The following ZNRF2 variants were observed in gnomAD, a reference collection of about 807,000 sequenced individuals.
ZNRF2 encodes the protein zinc and ring finger 2, also known as E3 ubiquitin-protein ligase ZNRF2.
In ZNRF2, 16 loss-of-function variants were observed where a neutral mutation model predicts 20.4. The observed-to-expected ratio is 0.79, with a 90% CI of 0.53 to 1.19. The LOEUF (loss-of-function observed/expected upper bound fraction) is 1.19, where lower values mean the gene tolerates loss of function less well. Among genes scored for constraint, ZNRF2 ranks in the 50% most tolerant of loss-of-function variants. ZNRF2 has a pLI of 0.00. For missense variants in ZNRF2, 363 were observed against 332.4 expected (o/e 1.09, Z -0.72); for synonymous variants, 178 against 144.9 (o/e 1.23, Z -1.64).
At chr7:30,310,359 T>C (rs1266117384) in intron 1 of ZNRF2, among the ~76,000 whole-genome samples, 2 of 152,212 alleles carry the variant, frequency 1.3e-5, no homozygotes, top group Admixed American at 1.3e-4. Context: ...AAACAAATAT[T>C]TGGATATTTT....
intron 2 of ZNRF2, among the ~76,000 whole-genome samples, chr7:30,336,904 A>T (rs1470744078): frequency 6.6e-6 from 1 of 152,080 alleles, no homozygotes; most frequent in Non-Finnish European, 1.5e-5. Flanking sequence ...GTGTGTATAT[A>T]TGTATGTATT....
At chr7:30,327,906 G>A (rs913738068) in intron 2 of ZNRF2, among the ~76,000 whole-genome samples, 4 of 152,038 alleles carry the variant, frequency 2.6e-5, no homozygotes, top group African/African-American at 9.7e-5. Context: ...TTCAAAGTAT[G>A]TATTAATTGT....
rs189839018 is a variant in ZNRF2 at position 30,314,705 on chromosome 7, A to G, written c.470-8937A>G. Among the ~76,000 whole-genome samples, 121 of 151,896 alleles carry G rather than the reference A, an allele frequency of 8.0e-4. 2 individuals are homozygous for G. Among genetic ancestry groups the G allele is most frequent in the Admixed American group, 5.2e-3 (79 of 15,248 alleles). On this transcript the variant is annotated intron_variant, in intron 1 of 4. Coordinates refer to ENST00000323037, the MANE Select transcript of ZNRF2 (RefSeq NM_147128.4). Reference sequence around the variant, plus strand: ...TTATGACTTCAACAATAGCTGTCCAATTTTTTCACTTGTTATGGGGGAATT... The same window carrying G: ...TTATGACTTCAACAATAGCTGTCCAGTTTTTTCACTTGTTATGGGGGAATT...
At chr7:30,326,083 CT>C (rs1286237338) in intron 2 of ZNRF2, among the ~76,000 whole-genome samples, 2 of 151,780 alleles carry the variant, frequency 1.3e-5, no homozygotes. Context: ...TGTATGTTTA[CT>C]TTTTGTGTAA....
rs1210556379 is a variant in ZNRF2, at chr7:30,364,569, C to T, written c.*23-1466C>T. Reference sequence around the variant, plus strand: ...TGGAGTGGTATTTTGAATATATGTGCACATATGTTTTTATTTCACCATAGA... The same window carrying T: ...TGGAGTGGTATTTTGAATATATGTGTACATATGTTTTTATTTCACCATAGA... On this transcript the variant is annotated intron_variant, in intron 4 of 4. Transcript: ENST00000323037. Among the ~76,000 whole-genome samples the T allele has an allele frequency of 2.6e-5, 4 of 152,226 alleles. No homozygotes were observed. The East Asian group carries it at 7.7e-4, about 29-fold the overall frequency.
At chr7:30,346,043 A>G (rs927487111) in intron 2 of ZNRF2, among the ~76,000 whole-genome samples, 2 of 151,564 alleles carry the variant, frequency 1.3e-5, no homozygotes, top group Non-Finnish European at 2.9e-5. Flanking sequence ...GACAGTCTTA[A>G]TGGGTAGTAT....
rs1022206232 is a variant in ZNRF2 at position 30,284,981 on chromosome 7, G to C, written c.-377G>C. ...CGAGAGGAGGCGGTGCCGAGATCGGGGGCGCCGAGCGCGGCAGCAGAGAGC... is the reference window on the plus strand; with the variant it reads ...CGAGAGGAGGCGGTGCCGAGATCGGCGGCGCCGAGCGCGGCAGCAGAGAGC... On this transcript the variant is annotated 5_prime_UTR_variant, in exon 1 of 5. Transcript: ENST00000323037. 1.2e-5 allele frequency: 4 copies of C among 338,162 alleles called. 1 individual carries two copies. Among genetic ancestry groups the C allele is most frequent in the South Asian group, 6.0e-5 (3 of 50,212 alleles). 20.9% of individuals were successfully genotyped at this position (338,162 alleles called of 1,614,324 possible). A position where few individuals can be genotyped will look rare whatever the true frequency, so the allele number is the denominator to read the frequency against.
chr7:30,353,708 A>T (rs1437494957), intron 2 of ZNRF2, among the ~76,000 whole-genome samples: 1 of 152,182 alleles, frequency 6.6e-6, no homozygotes, highest in Non-Finnish European at 1.5e-5. Context: ...AGATGCGTCT[A>T]AAATCGATGT....
At chr7:30,348,208 C>G (rs1380947252) in intron 2 of ZNRF2, among the ~76,000 whole-genome samples, 1 of 149,718 alleles carries the variant, frequency 6.7e-6, no homozygotes, top group Non-Finnish European at 1.5e-5. Flanking sequence ...CTGACTTCAG[C>G]TGAGTCACCA....
chr7:30,324,503 T>G (rs1232736677), intron 2 of ZNRF2, among the ~76,000 whole-genome samples: 1 of 150,952 alleles, frequency 6.6e-6, no homozygotes, highest in Non-Finnish European at 1.5e-5. Context: ...GAGCCGAGAT[T>G]GTGCCACTGC....
chr7:30,335,411 A>G (rs548476692), intron 2 of ZNRF2, among the ~76,000 whole-genome samples: 2 of 152,258 alleles, frequency 1.3e-5, no homozygotes, highest in East Asian at 3.9e-4. Flanking sequence ...TTTCGTTAAG[A>G]TGTGGTATTG....
At chr7:30,301,434 G>C (rs1378820143) in intron 1 of ZNRF2, among the ~76,000 whole-genome samples, 1 of 152,130 alleles carries the variant, frequency 6.6e-6, no homozygotes, top group Non-Finnish European at 1.5e-5. Context: ...AGTGAGCCAA[G>C]ATCACGCCAC....
At chr7:30,286,712 T>C (rs1432134877) in intron 1 of ZNRF2, among the ~76,000 whole-genome samples, 2 of 152,214 alleles carry the variant, frequency 1.3e-5, no homozygotes, top group Non-Finnish European at 2.9e-5. Flanking sequence ...AAAACGCTAA[T>C]AGTAAATGAA....
intron 1 of ZNRF2, among the ~76,000 whole-genome samples, chr7:30,313,049 C>T (rs1289135194): frequency 6.6e-6 from 1 of 152,134 alleles, no homozygotes; most frequent in Non-Finnish European, 1.5e-5. Context: ...TAAGTAGAAG[C>T]CATGTGAGCT....
chr7:30,290,278 G>A (rs1346421327), intron 1 of ZNRF2, among the ~76,000 whole-genome samples: 5 of 152,146 alleles, frequency 3.3e-5, no homozygotes, highest in African/African-American at 4.8e-5. Context: ...GATTTTATTC[G>A]TTTTCTAAGC....
intron 2 of ZNRF2, among the ~76,000 whole-genome samples, chr7:30,346,907 GTTAC>G (rs1442417294): frequency 1.3e-5 from 2 of 151,970 alleles, no homozygotes; most frequent in Non-Finnish European, 2.9e-5. Flanking sequence ...TTTCTTTGGA[GTTAC>G]TTACATGATA....
intron 1 of ZNRF2, among the ~76,000 whole-genome samples, chr7:30,292,047 T>A (rs756785361): frequency 6.6e-5 from 10 of 152,184 alleles, no homozygotes; most frequent in Non-Finnish European, 1.5e-4. Context: ...CCACCAGAAA[T>A]AACTGTTAAT....
Position 30,297,401 on chromosome 7 carries a change from C to G in ZNRF2, c.469+11575C>G, listed in dbSNP as rs144940048. ...CTTGATGTTCTCCATTGTTTTTAGC[C>G]GATACAATTTCATAGTTCCTACTGA... is the stretch of plus-strand genomic sequence containing the variant. On this transcript the variant is annotated intron_variant, in intron 1 of 4. Transcript: ENST00000323037. Among the ~76,000 whole-genome samples the G allele has an allele frequency of 9.9e-4, 150 of 152,146 alleles. 2 individuals carry two copies. In the South Asian group the frequency reaches 0.027, roughly 27 times the overall value.
chr7:30,304,903 T>C lies in ZNRF2; in HGVS notation c.470-18739T>C, dbSNP rs532158121. 5.9e-5 allele frequency among the ~76,000 whole-genome samples: 9 copies of C among 152,302 alleles called. No individual in the cohort carries two copies. In the South Asian group the frequency reaches 1.0e-3, roughly 18 times the overall value. On this transcript the variant is annotated intron_variant, in intron 1 of 4. Coordinates refer to ENST00000323037, the MANE Select transcript of ZNRF2 (RefSeq NM_147128.4). ...GCTCTTCCTGGAGTTGATAAATTAT[T>C]AGGACTTCGGCAAGCCAGATGTTAA... is the stretch of plus-strand genomic sequence containing the variant.
Sources: allele counts gnomAD v4.1 joint callset (sites outside exome capture counted in the v4.1 genomes callset), GRCh38; gene constraint gnomAD v4.1.1; transcripts MANE v1.5; gene names NCBI Gene and HGNC (gene_info 2026-07-23, HGNC 2026-07-21).